COG3: variants seen among roughly 807,000 people sequenced by gnomAD.
COG3 encodes the protein conserved oligomeric Golgi complex subunit 3.
In COG3, 32 loss-of-function variants were observed where a neutral mutation model predicts 114.1. That is an observed-to-expected ratio of 0.28 (90% CI 0.21 to 0.38). The LOEUF (loss-of-function observed/expected upper bound fraction) is 0.38. Among genes scored for constraint, COG3 ranks in the 10% least tolerant of loss-of-function variants. COG3 has a pLI of 1.00. For missense variants in COG3, 813 were observed against 973.2 expected (o/e 0.84, Z 2.19); for synonymous variants, 352 against 365.7 (o/e 0.96, Z 0.43).
intron 13 of COG3, among the ~76,000 whole-genome samples, chr13:45,502,178 A>G (rs1869609351): frequency 6.6e-6 from 1 of 152,096 alleles, no homozygotes; most frequent in Non-Finnish European, 1.5e-5. Context: ...TGAAGACTAG[A>G]TCTGTTTCCC....
intron 14 of COG3, among the ~76,000 whole-genome samples, chr13:45,506,792 G>C (rs1310324616): frequency 6.6e-6 from 1 of 152,184 alleles, no homozygotes; most frequent in Non-Finnish European, 1.5e-5. Flanking sequence ...TCTAAAGCTG[G>C]AAGTGAGAGA....
chr13:45,501,357 C>G (rs1456647455), intron 13 of COG3, among the ~76,000 whole-genome samples: 1 of 152,186 alleles, frequency 6.6e-6, no homozygotes, highest in Non-Finnish European at 1.5e-5. Flanking sequence ...TTTGTTGATT[C>G]AATCACTTAC....
At position 45,519,011 on chromosome 13, in the gene COG3, C is replaced by A; in HGVS notation, c.2071C>A (p.Arg691Ser). 1.2e-6 allele frequency: 2 copies of A among 1,614,062 alleles called. No homozygotes were observed. The highest frequency in any genetic ancestry group is 1.7e-6 in the Non-Finnish European group (2 of 1,179,962). ...HYLDSKKDVD[R>S]HLKSACEQFI... is the part of the protein sequence containing the mutation. ...TCTTGACTCTAAAAAAGACGTAGAC[C>A]GTCATCTGAAATCGGCCTGTGAGCA... The change falls in exon 19 of 23, where the codon CGT (arginine) becomes AGT (serine). Residue 691 changes from arginine (R) to serine (S), a missense_variant. Transcript: ENST00000349995.
intron 13 of COG3, among the ~76,000 whole-genome samples, chr13:45,500,090 GTGTGTATATATATA>G (rs1566257190): frequency 4.7e-5 from 2 of 42,682 alleles, no homozygotes. Flanking sequence ...GTGTGTGTGT[GTGTGTATATATATA>G]TATATATATA....
chr13:45,496,443 C>A (rs1868787013), intron 13 of COG3, 131 bp downstream of exon 13: 2 of 630,826 alleles, frequency 3.2e-6, no homozygotes, highest in South Asian at 6.5e-5. Flanking sequence ...TGGTCTCGAA[C>A]TCCTGAGCTC....
intron 19 of COG3, among the ~76,000 whole-genome samples, chr13:45,522,364 T>A (rs1872253129): frequency 6.6e-6 from 1 of 152,186 alleles, no homozygotes; most frequent in Admixed American, 6.5e-5. Flanking sequence ...CTTAAAGAGT[T>A]GGGGTCTGAT....
intron 13 of COG3, among the ~76,000 whole-genome samples, chr13:45,499,991 C>G (rs1869272969): frequency 6.6e-6 from 1 of 150,874 alleles, no homozygotes; most frequent in South Asian, 2.1e-4. Flanking sequence ...GTACTCCAGC[C>G]TGGGTCACAG....
At chr13:45,502,859 C>A (rs571657386) in intron 13 of COG3, among the ~76,000 whole-genome samples, 1 of 152,214 alleles carries the variant, frequency 6.6e-6, no homozygotes, top group South Asian at 2.1e-4. Context: ...AACTAAATGA[C>A]TGTTAGGTCT....
At chr13:45,492,753 A>G (rs755040893) in intron 11 of COG3, among the ~76,000 whole-genome samples, 1 of 152,174 alleles carries the variant, frequency 6.6e-6, no homozygotes, top group Non-Finnish European at 1.5e-5. Flanking sequence ...TGAGGAAGAG[A>G]AAAGTATTTT....
chr13:45,534,812 G>A lies in COG3; in HGVS notation c.*81G>A. ...GTCTTGCAGTCTGCAGGACACCGAG[G>A]AATCGTATGTGGGAACGTCCCCGAG... On this transcript the variant is annotated 3_prime_UTR_variant, in exon 23 of 23. Coordinates refer to ENST00000349995, the MANE Select transcript of COG3 (RefSeq NM_031431.4). 1 of 1,448,842 alleles carries A rather than the reference G, an allele frequency of 6.9e-7. No homozygotes were observed. Among genetic ancestry groups the A allele is most frequent in the Non-Finnish European group, 9.1e-7 (1 of 1,099,550 alleles). The allele number at this position is 1,448,842 out of a possible 1,614,324, so 89.7% of individuals were successfully genotyped here.
At position 45,480,253 on chromosome 13, in the gene COG3, C is replaced by T; in HGVS notation, c.512C>T (p.Thr171Ile). ...CTTTTTGTGTCCAATAAGACAGGAA[C>T]CCTACATGAAGCCTGTGAACAGCTC... ...QYLFVSNKTG[T>I]LHEACEQLLK... is the part of the protein sequence containing the mutation. The change falls in exon 4 of 23, where the codon ACC becomes ATC. Residue 171 changes from threonine (T) to isoleucine (I), a missense_variant. Transcript: ENST00000349995. 6.2e-7 allele frequency: 1 copy of T among 1,613,462 alleles called. No homozygotes were observed.
intron 13 of COG3, among the ~76,000 whole-genome samples, chr13:45,500,841 G>A (rs981153690): frequency 4.6e-5 from 7 of 152,296 alleles, no homozygotes; most frequent in Admixed American, 3.9e-4. Context: ...GTCTGTGACA[G>A]TTTTTCAGAC....
At chr13:45,487,976 A>C (rs1031041607) in intron 8 of COG3, among the ~76,000 whole-genome samples, 6 of 152,234 alleles carry the variant, frequency 3.9e-5, no homozygotes, top group African/African-American at 1.4e-4. Context: ...GAATCAACCT[A>C]AGTGTCAATC....
chr13:45,490,907 C>T lies in COG3; in HGVS notation c.925-8C>T. On this transcript the variant is annotated splice_polypyrimidine_tract_variant and splice_region_variant and intron_variant, in intron 8 of 22. Coordinates refer to ENST00000349995, the MANE Select transcript of COG3 (RefSeq NM_031431.4). ...TGGTTTTTTGATGCATTTTTTCTTA[C>T]TTTGCAGACTCTTATTGAACAAATA... 1 of 1,562,790 alleles carries T rather than the reference C, an allele frequency of 6.4e-7. No individual in the cohort carries two copies. The highest frequency in any genetic ancestry group is 8.7e-7 in the Non-Finnish European group (1 of 1,145,112).
At chr13:45,476,394 C>G in intron 2 of COG3, 47 bp downstream of exon 2, 2 of 1,574,310 alleles carry the variant, frequency 1.3e-6, no homozygotes, top group South Asian at 2.2e-5. Context: ...TTTCAGATGT[C>G]TGAAGACAAG....
At position 45,483,373 on chromosome 13, in the gene COG3, A is replaced by G; in HGVS notation, c.843+18A>G. On this transcript the variant is annotated intron_variant, in intron 7 of 22. Transcript: ENST00000349995. ...TGAAAAGGGTGAGTTAACTGATCTC[A>G]ACAACAGGTTTTTGTTATTGTTGTT... 1 of 1,536,422 alleles carries G rather than the reference A, an allele frequency of 6.5e-7. No individual in the cohort carries two copies. The highest frequency in any genetic ancestry group is 1.3e-5 in the South Asian group (1 of 79,342).
chr13:45,475,977 A>AG (rs1885833757), intron 1 of COG3, among the ~76,000 whole-genome samples: 1 of 152,102 alleles, frequency 6.6e-6, no homozygotes. Flanking sequence ...AAAAAAAAAA[A>AG]AAGCTTACTA....
chr13:45,470,173 G>T (rs1279309916), intron 1 of COG3, among the ~76,000 whole-genome samples: 2 of 152,170 alleles, frequency 1.3e-5, no homozygotes, highest in African/African-American at 4.8e-5. Flanking sequence ...AAAAGGGGAG[G>T]TGTGTATACT....
chr13:45,526,076 A>ATTTTTTTTTTT (rs386379016), intron 20 of COG3, among the ~76,000 whole-genome samples: 881 of 56,606 alleles, frequency 0.016, 130 homozygotes, highest in Middle Eastern at 0.022. Flanking sequence ...CAAAATTTTA[A>ATTTTTTTTTTT]TTTTTTTTTT....
Sources: gnomAD v4.1 joint callset for allele counts (sites outside exome capture counted in the v4.1 genomes callset) on GRCh38, gnomAD v4.1.1 for gene constraint, MANE v1.5 for transcripts, NCBI Gene and HGNC (gene_info 2026-07-23, HGNC 2026-07-21) for gene names.